TMEM220: variants seen among roughly 807,000 people sequenced by gnomAD.
TMEM220 encodes the protein transmembrane protein 220.
TMEM220 carries 21 observed loss-of-function variants against 21.7 expected under a neutral mutation model. The observed-to-expected ratio is 0.97, with a 90% CI of 0.69 to 1.39. The LOEUF (loss-of-function observed/expected upper bound fraction) is 1.39, where lower values mean the gene tolerates loss of function less well. Among genes scored for constraint, TMEM220 ranks in the 40% most tolerant of loss-of-function variants. The pLI is 0.00. For synonymous variants in TMEM220, 80 were observed against 73.6 expected (o/e 1.09, Z -0.45); for missense variants, 191 against 201.9 (o/e 0.95, Z 0.33).
chr17:10,715,932 G>T, intron 5 of TMEM220: 1 of 350,968 alleles, frequency 2.8e-6, no homozygotes, highest in Non-Finnish European at 5.2e-6. Context: ...GTTTTGTTTT[G>T]CTTTTTTTAA....
In TMEM220 at chr17:10,715,373, A is replaced by G; in HGVS notation, c.*80T>C. ...ACTATTAGCCCAAATTACCTGAAAT[A>G]AACTCCTGGCTTGTTCCCCTAATGT... is the stretch of plus-strand genomic sequence containing the variant. On this transcript the variant is annotated 3_prime_UTR_variant, in exon 6 of 6. Transcript: ENST00000341871. 7.2e-7 allele frequency: 1 copy of G among 1,383,602 alleles called. No homozygotes were observed. The highest frequency in any genetic ancestry group is 2.5e-5 in the East Asian group (1 of 40,624). 85.7% of individuals were successfully genotyped at this position (1,383,602 alleles called of 1,614,324 possible).
At chr17:10,724,934 G>A in intron 4 of TMEM220, 77 bp downstream of exon 4, 2 of 1,582,132 alleles carry the variant, frequency 1.3e-6, no homozygotes, top group Non-Finnish European at 8.7e-7. Context: ...ATTGTGCACA[G>A]ATGAGGTGTT....
intron 1 of TMEM220, 29 bp from the exon 2 acceptor site, chr17:10,729,089 C>G: frequency 6.2e-6 from 10 of 1,613,878 alleles, no homozygotes; most frequent in Non-Finnish European, 8.5e-6. Flanking sequence ...AAGGTGTTAG[C>G]AGACATCCTG....
Position 10,715,173 on chromosome 17 carries a change from C to G in TMEM220, c.*280G>C, listed in dbSNP as rs141623861. 1 of 246,150 alleles carries G rather than the reference C, an allele frequency of 4.1e-6. No individual in the cohort carries two copies. Among genetic ancestry groups the G allele is most frequent in the Non-Finnish European group, 7.7e-6 (1 of 129,718 alleles). The allele number at this position is 246,150 out of a possible 1,614,324, so 15.2% of individuals were successfully genotyped here. ...TATATTTGCCCAAATTACATAGTTACAAAGTTAAGTTAGAACTCGTATTTT... is the reference window on the plus strand; with the variant it reads ...TATATTTGCCCAAATTACATAGTTAGAAAGTTAAGTTAGAACTCGTATTTT... On this transcript the variant is annotated 3_prime_UTR_variant, in exon 6 of 6. Coordinates refer to ENST00000341871, the MANE Select transcript of TMEM220 (RefSeq NM_001004313.3).
chr17:10,727,333 G>A (rs1214743920), intron 2 of TMEM220, among the ~76,000 whole-genome samples: 2 of 152,056 alleles, frequency 1.3e-5, no homozygotes, highest in African/African-American at 4.8e-5. Flanking sequence ...GTTTTGAGGG[G>A]CTCTCCAAGG....
chr17:10,713,968 C>T lies in TMEM220; in HGVS notation c.*1485G>A, dbSNP rs2074876801. 1 of 152,124 alleles carries T rather than the reference C, an allele frequency of 6.6e-6. No homozygotes were observed. Among genetic ancestry groups the T allele is most frequent in the Admixed American group, 6.5e-5 (1 of 15,272 alleles). The allele number at this position is 152,124 out of a possible 1,614,324, so 9.4% of individuals were successfully genotyped here. A position where few individuals can be genotyped will look rare whatever the true frequency, so the allele number is the denominator to read the frequency against. On this transcript the variant is annotated 3_prime_UTR_variant, in exon 6 of 6. Coordinates refer to ENST00000341871, the MANE Select transcript of TMEM220 (RefSeq NM_001004313.3). ...GATCTCTTTCCTAGATCAGAAAAAA[C>T]AGTATCTGACCACAGAGTTTGATGC...
Position 10,729,979 on chromosome 17 carries a change from G to A in TMEM220, c.-128C>T. The A allele has an allele frequency of 4.9e-6, 6 of 1,214,540 alleles. No individual in the cohort carries two copies. Among genetic ancestry groups the A allele is most frequent in the Middle Eastern group, 2.7e-4 (1 of 3,752 alleles). 75.2% of individuals were successfully genotyped at this position (1,214,540 alleles called of 1,614,324 possible). ...CCCCGCCTCGGTTTCGGTGCCTTGG[G>A]GACACTGCCGTGGCCGTCGCTCCGC... On this transcript the variant is annotated 5_prime_UTR_variant, in exon 1 of 6. Coordinates refer to ENST00000341871, the MANE Select transcript of TMEM220 (RefSeq NM_001004313.3).
chr17:10,727,707 C>T (rs1051155114), intron 2 of TMEM220, among the ~76,000 whole-genome samples: 2 of 152,072 alleles, frequency 1.3e-5, no homozygotes, highest in Admixed American at 1.3e-4. Flanking sequence ...AAAAACAAAA[C>T]CTGGATAGAA....
At chr17:10,720,306 T>C (rs1186426943) in intron 5 of TMEM220, among the ~76,000 whole-genome samples, 3 of 152,200 alleles carry the variant, frequency 2.0e-5, no homozygotes, top group Non-Finnish European at 2.9e-5. Flanking sequence ...CTGGATACTA[T>C]CTAAATAGTA....
intron 5 of TMEM220, chr17:10,715,885 A>G (rs188499144): frequency 1.7e-3 from 602 of 348,216 alleles, no homozygotes; most frequent in African/African-American, 0.012. Context: ...CTGTTTAAGA[A>G]TTTCCCTCAC....
At chr17:10,725,214 C>T in intron 3 of TMEM220, 80 bp from the exon 4 acceptor site, 1 of 1,566,562 alleles carries the variant, frequency 6.4e-7, no homozygotes, top group Non-Finnish European at 8.7e-7. Flanking sequence ...GTATGTTTTG[C>T]CATAGTCTGC....
chr17:10,729,067 C>A lies in TMEM220; in HGVS notation c.73-7G>T. On this transcript the variant is annotated splice_region_variant and splice_polypyrimidine_tract_variant and intron_variant, in intron 1 of 5. Coordinates refer to ENST00000341871, the MANE Select transcript of TMEM220 (RefSeq NM_001004313.3). ...CTGCATCTGGGTCATTTACCTGGAA[C>A]GCCAGAATACCAAGGTGTTAGCAGA... is the stretch of plus-strand genomic sequence containing the variant. The A allele has an allele frequency of 6.2e-7, 1 of 1,614,128 alleles. No homozygotes were observed. The highest frequency in any genetic ancestry group is 8.5e-7 in the Non-Finnish European group (1 of 1,179,996).
chr17:10,721,425 A>T (rs1023706390), intron 5 of TMEM220, among the ~76,000 whole-genome samples: 1 of 152,102 alleles, frequency 6.6e-6, no homozygotes, highest in African/African-American at 2.4e-5. Context: ...CCTGGCCAAC[A>T]TGGTGAAACC....
chr17:10,726,989 C>A (rs947687792), intron 2 of TMEM220, among the ~76,000 whole-genome samples: 1 of 152,118 alleles, frequency 6.6e-6, no homozygotes, highest in Non-Finnish European at 1.5e-5. Context: ...AATTTCTGTG[C>A]TTATATCAGA....
chr17:10,718,334 C>A (rs1477328221), intron 5 of TMEM220, among the ~76,000 whole-genome samples: 1 of 151,996 alleles, frequency 6.6e-6, no homozygotes, highest in Non-Finnish European at 1.5e-5. Context: ...ATTTGTACTT[C>A]CTTGTGCTCT....
At chr17:10,715,612 TAAATAA>T in intron 5 of TMEM220, 24 bp from the exon 6 acceptor site, 2 of 1,535,386 alleles carry the variant, frequency 1.3e-6, no homozygotes, top group East Asian at 4.7e-5. Flanking sequence ...AAAATTATTA[TAAATAA>T]AAATCATGGA....
At chr17:10,711,600 G>T (rs1014440810), downstream of TMEM220, among the ~76,000 whole-genome samples, 1 of 152,078 alleles carries the variant, frequency 6.6e-6, no homozygotes, top group Non-Finnish European at 1.5e-5. Context: ...TTCCCATTTT[G>T]TAAACAAAAT....
chr17:10,729,972 G>T lies in TMEM220; in HGVS notation c.-121C>A. The T allele has an allele frequency of 8.2e-7, 1 of 1,225,786 alleles. No individual in the cohort carries two copies. Among genetic ancestry groups the T allele is most frequent in the Non-Finnish European group, 1.0e-6 (1 of 984,932 alleles). 75.9% of individuals were successfully genotyped at this position (1,225,786 alleles called of 1,614,324 possible). ...CCGAGACCCCCGCCTCGGTTTCGGTGCCTTGGGGACACTGCCGTGGCCGTC... is the reference window on the plus strand; with the variant it reads ...CCGAGACCCCCGCCTCGGTTTCGGTTCCTTGGGGACACTGCCGTGGCCGTC... On this transcript the variant is annotated 5_prime_UTR_variant, in exon 1 of 6. Transcript: ENST00000341871.
chr17:10,719,658 A>T (rs1321146430), intron 5 of TMEM220, among the ~76,000 whole-genome samples: 2 of 152,252 alleles, frequency 1.3e-5, no homozygotes, highest in Non-Finnish European at 2.9e-5. Flanking sequence ...TTACATTACA[A>T]CCTGAGAGAG....
Sources: allele counts gnomAD v4.1 joint callset (sites outside exome capture counted in the v4.1 genomes callset), GRCh38; gene constraint gnomAD v4.1.1; transcripts MANE v1.5; gene names NCBI Gene and HGNC (gene_info 2026-07-23, HGNC 2026-07-21).